Variants in MYO16 observed in about 807,000 individuals in gnomAD.
MYO16 encodes myosin XVI.
In MYO16, 94 loss-of-function variants were observed where a neutral mutation model predicts 205.3. The observed-to-expected ratio is 0.46, with a 90% confidence interval of 0.39 to 0.54. The LOEUF is 0.54. Ranked by LOEUF, MYO16 falls within the 20% of genes least tolerant of loss-of-function variation. The pLI is 0.00. For synonymous variants in MYO16, 988 were observed against 954.0 expected (o/e 1.04, Z -0.66); for missense variants, 2,315 against 2,387.5 (o/e 0.97, Z 0.63).
intron 34 of MYO16, among the ~76,000 whole-genome samples, chr13:109,186,609 AAC>A (rs112011251): frequency 3.6e-4 from 54 of 149,146 alleles, no homozygotes; most frequent in Admixed American, 5.4e-4. Context: ...TAAGCTTTTC[AAC>A]ACACACACAC....
At chr13:108,740,965 T>C (rs1226381183) in intron 4 of MYO16, among the ~76,000 whole-genome samples, 1 of 152,112 alleles carries the variant, frequency 6.6e-6, no homozygotes, top group Non-Finnish European at 1.5e-5. Flanking sequence ...GGTGTGCCGT[T>C]TGCTAAGACC....
chr13:108,771,043 G>A (rs987205410), intron 4 of MYO16, among the ~76,000 whole-genome samples: 1 of 152,106 alleles, frequency 6.6e-6, no homozygotes, highest in Non-Finnish European at 1.5e-5. Flanking sequence ...CTTGCAAAAT[G>A]CTAATGGCGT....
chr13:109,128,064 C>T (rs945776904), intron 31 of MYO16, among the ~76,000 whole-genome samples: 10 of 152,182 alleles, frequency 6.6e-5, no homozygotes, highest in African/African-American at 2.4e-4. Flanking sequence ...CAAAAGGGAA[C>T]ATAGCAGTTT....
At chr13:108,970,568 C>T (rs1211040561) in intron 20 of MYO16, among the ~76,000 whole-genome samples, 1 of 152,196 alleles carries the variant, frequency 6.6e-6, no homozygotes, top group Non-Finnish European at 1.5e-5. Context: ...TGCCGCACCC[C>T]AGTGTCGAGG....
At chr13:108,992,471 T>C (rs1161044719) in intron 21 of MYO16, 23 bp downstream of exon 21, 12 of 1,430,548 alleles carry the variant, frequency 8.4e-6, no homozygotes, top group Non-Finnish European at 1.2e-5. Flanking sequence ...TCTTTTAAAA[T>C]TGTGTGAACT....
At chr13:108,630,231 C>T (rs1295928813) in intron 1 of MYO16, among the ~76,000 whole-genome samples, 1 of 151,538 alleles carries the variant, frequency 6.6e-6, no homozygotes, top group Non-Finnish European at 1.5e-5. Flanking sequence ...TACATAAAAA[C>T]TAAGTTTATT....
At chr13:109,143,370 C>T (rs1877191153) in intron 32 of MYO16, among the ~76,000 whole-genome samples, 14 of 152,092 alleles carry the variant, frequency 9.2e-5, no homozygotes, top group Admixed American at 8.5e-4. Context: ...ACAGATTCTT[C>T]TTAATTATAG....
chr13:108,763,131 A>G (rs1885664122), intron 4 of MYO16, among the ~76,000 whole-genome samples: 1 of 152,178 alleles, frequency 6.6e-6, no homozygotes, highest in Admixed American at 6.5e-5. Flanking sequence ...TTCTTTATTG[A>G]GGGTCTACTA....
At chr13:108,701,845 C>T (rs912659007) in intron 2 of MYO16, among the ~76,000 whole-genome samples, 1 of 151,992 alleles carries the variant, frequency 6.6e-6, no homozygotes, top group Non-Finnish European at 1.5e-5. Flanking sequence ...AGTGGTATCT[C>T]CCCACATAGA....
chr13:108,523,122 C>A, the MYO16 span, among the ~76,000 whole-genome samples: 1 of 152,072 alleles, frequency 6.6e-6, no homozygotes, highest in Non-Finnish European at 1.5e-5. Context: ...TGTGCAGTGG[C>A]CCCAGTGACA....
At chr13:108,532,835 G>T in the MYO16 span, among the ~76,000 whole-genome samples, 1 of 152,070 alleles carries the variant, frequency 6.6e-6, no homozygotes, top group Non-Finnish European at 1.5e-5. Flanking sequence ...GAGAAGGTTT[G>T]TATATGAGAG....
intron 4 of MYO16, among the ~76,000 whole-genome samples, chr13:108,735,499 A>G (rs1401932690): frequency 6.6e-6 from 1 of 152,086 alleles, no homozygotes; most frequent in Admixed American, 6.5e-5. Flanking sequence ...ATTCCATGGT[A>G]TACACCAAGA....
At chr13:108,886,067 A>C (rs1444071584) in intron 13 of MYO16, among the ~76,000 whole-genome samples, 1 of 151,908 alleles carries the variant, frequency 6.6e-6, no homozygotes, top group Non-Finnish European at 1.5e-5. Context: ...GGCTCACTGC[A>C]AGCTCCGCCT....
At chr13:108,877,064 C>T (rs1879364520) in intron 12 of MYO16, among the ~76,000 whole-genome samples, 1 of 152,108 alleles carries the variant, frequency 6.6e-6, no homozygotes. Flanking sequence ...TCTAAAGTCC[C>T]TCTAGAATTT....
intron 27 of MYO16, among the ~76,000 whole-genome samples, chr13:109,092,902 A>C (rs893094684): frequency 6.6e-6 from 1 of 152,222 alleles, no homozygotes; most frequent in African/African-American, 2.4e-5. Context: ...ACCTTTTACT[A>C]GTTAGATATT....
chr13:108,575,240 G>C, the MYO16 span, among the ~76,000 whole-genome samples: 3 of 152,152 alleles, frequency 2.0e-5, no homozygotes, highest in East Asian at 5.8e-4. Context: ...TCTGCTTAGA[G>C]CTTGTACATC....
chr13:108,729,095 C>G (rs963085308), intron 4 of MYO16, among the ~76,000 whole-genome samples: 1 of 151,074 alleles, frequency 6.6e-6, no homozygotes, highest in Non-Finnish European at 1.5e-5. Flanking sequence ...GATTATTTAG[C>G]TGAAATATAA....
At chr13:108,543,515 G>A in the MYO16 span, among the ~76,000 whole-genome samples, 4 of 151,602 alleles carry the variant, frequency 2.6e-5, no homozygotes, top group East Asian at 1.9e-4. Flanking sequence ...GGTGGCGGGC[G>A]CCTGTAGTCC....
At chr13:108,836,645 C>T (rs967005141) in intron 9 of MYO16, among the ~76,000 whole-genome samples, 4 of 152,192 alleles carry the variant, frequency 2.6e-5, no homozygotes, top group African/African-American at 9.6e-5. Flanking sequence ...CTACCCAAGG[C>T]CATGGGAGCC....
Sources: allele counts gnomAD v4.1 joint callset (sites outside exome capture counted in the v4.1 genomes callset), GRCh38; gene constraint gnomAD v4.1.1; transcripts MANE v1.5; gene names NCBI Gene and HGNC (gene_info 2026-07-23, HGNC 2026-07-21).